NPR3: variants seen among roughly 807,000 people sequenced by gnomAD.
NPR3 encodes the protein atrial natriuretic peptide receptor 3.
In NPR3, 34 loss-of-function variants were observed where a neutral mutation model predicts 54.5. The observed-to-expected ratio is 0.62, with a 90% CI of 0.47 to 0.83. The LOEUF (loss-of-function observed/expected upper bound fraction) is 0.83, where lower values mean the gene tolerates loss of function less well. Among genes scored for constraint, NPR3 ranks in the 40% least tolerant of loss-of-function variants. The pLI is 0.00. For synonymous variants in NPR3, 289 were observed against 297.1 expected, an observed-to-expected ratio of 0.97 and a Z score of 0.28; for missense variants, 674 against 720.8, an observed-to-expected ratio of 0.94 and a Z score of 0.74.
intron 3 of NPR3, 22 bp from the exon 4 acceptor site, chr5:32,774,686 C>T: frequency 6.3e-7 from 1 of 1,599,144 alleles, no homozygotes; most frequent in South Asian, 1.1e-5. Context: ...TTTGGTTCAC[C>T]CATCTGGGGT....
intron 2 of NPR3, among the ~76,000 whole-genome samples, chr5:32,736,000 G>A (rs921481165): frequency 2.6e-5 from 4 of 152,076 alleles, no homozygotes; most frequent in African/African-American, 9.7e-5. Context: ...GGAGGCCGAG[G>A]CAGGTGGATC....
chr5:32,703,427 C>T (rs879893415), intron 1 of NPR3, among the ~76,000 whole-genome samples: 1 of 151,784 alleles, frequency 6.6e-6, no homozygotes, highest in Non-Finnish European at 1.5e-5. Context: ...AGGAGTCTCT[C>T]CCAGTAGTCA....
chr5:32,773,176 C>T (rs1466957717), intron 3 of NPR3, among the ~76,000 whole-genome samples: 3 of 152,136 alleles, frequency 2.0e-5, no homozygotes, highest in East Asian at 3.8e-4. Context: ...TACAGAATGC[C>T]CAGTTCATTC....
intron 3 of NPR3, among the ~76,000 whole-genome samples, chr5:32,748,736 G>A (rs1415070691): frequency 1.3e-5 from 2 of 152,146 alleles, no homozygotes; most frequent in East Asian, 1.9e-4. Context: ...ATGAATTGGA[G>A]GGGAATGAAA....
intron 5 of NPR3, among the ~76,000 whole-genome samples, chr5:32,782,061 C>G (rs1742362611): frequency 6.6e-6 from 1 of 152,090 alleles, no homozygotes; most frequent in Admixed American, 6.5e-5. Context: ...ATCATTTTAA[C>G]CAGAAACTGA....
intron 6 of NPR3, 160 bp downstream of exon 6, chr5:32,783,188 T>C (rs921844910): frequency 3.6e-6 from 2 of 554,084 alleles, no homozygotes; most frequent in Non-Finnish European, 6.1e-6. Context: ...AACTGGCATC[T>C]TTCAGGTCTT....
chr5:32,733,195 A>AG (rs1280244808), intron 2 of NPR3, among the ~76,000 whole-genome samples: 3 of 152,142 alleles, frequency 2.0e-5, no homozygotes, highest in Non-Finnish European at 4.4e-5. Flanking sequence ...TGAAAAAAAA[A>AG]CATATTGATA....
intron 3 of NPR3, among the ~76,000 whole-genome samples, chr5:32,771,998 C>T (rs111870506): frequency 6.6e-6 from 1 of 152,076 alleles, no homozygotes; most frequent in African/African-American, 2.4e-5. Flanking sequence ...TACACCGCTA[C>T]AGTTCACTTA....
At chr5:32,778,248 T>C (rs1742169508) in intron 4 of NPR3, among the ~76,000 whole-genome samples, 1 of 152,214 alleles carries the variant, frequency 6.6e-6, no homozygotes, top group African/African-American at 2.4e-5. Context: ...CTCATTTGTT[T>C]AAATGTAAAG....
At chr5:32,718,634 A>G (rs891907134) in intron 1 of NPR3, among the ~76,000 whole-genome samples, 2 of 152,076 alleles carry the variant, frequency 1.3e-5, no homozygotes, top group Non-Finnish European at 2.9e-5. Flanking sequence ...TTCACTTATG[A>G]TTTGGCTCTC....
At chr5:32,701,196 A>AT (rs1326801243) in intron 1 of NPR3, among the ~76,000 whole-genome samples, 3 of 150,904 alleles carry the variant, frequency 2.0e-5, no homozygotes, top group Non-Finnish European at 4.4e-5. Context: ...TTTTATTATT[A>AT]TTTTTTCTTT....
At position 32,790,579 on chromosome 5, in the gene NPR3, G is replaced by C. The variant is rs1742859721; in HGVS notation, c.*4234G>C. The C allele has an allele frequency of 6.0e-6, 1 of 166,574 alleles. No homozygotes were observed. The highest frequency in any genetic ancestry group is 6.5e-5 in the Admixed American group (1 of 15,280). 10.3% of individuals were successfully genotyped at this position (166,574 alleles called of 1,614,324 possible). A position where few individuals can be genotyped will look rare whatever the true frequency, so the allele number is the denominator to read the frequency against. On this transcript the variant is annotated 3_prime_UTR_variant, in exon 8 of 8. Coordinates refer to ENST00000265074, the MANE Select transcript of NPR3 (RefSeq NM_001204375.2). ...ATGTGCATAAACTCCAACAAGCCTGGCTTTGGTGTTCAGCATGCACATTCC... is the reference window on the plus strand; with the variant it reads ...ATGTGCATAAACTCCAACAAGCCTGCCTTTGGTGTTCAGCATGCACATTCC...
chr5:32,786,555 A>G lies in NPR3; in HGVS notation c.*210A>G, dbSNP rs1742644001. ...TTTCATCTCATGACAAACAAATATAATAATGATATCGTGTCACTCTGTTAA... is the reference window on the plus strand; with the variant it reads ...TTTCATCTCATGACAAACAAATATAGTAATGATATCGTGTCACTCTGTTAA... On this transcript the variant is annotated 3_prime_UTR_variant, in exon 8 of 8. Coordinates refer to ENST00000265074, the MANE Select transcript of NPR3 (RefSeq NM_001204375.2). 1 of 543,904 alleles carries G rather than the reference A, an allele frequency of 1.8e-6. No homozygotes were observed. Among genetic ancestry groups the G allele is most frequent in the Non-Finnish European group, 3.2e-6 (1 of 312,996 alleles). 33.7% of individuals were successfully genotyped at this position (543,904 alleles called of 1,614,324 possible).
Position 32,739,039 on chromosome 5 carries a change from C to T in NPR3, c.1059+9C>T. 1.2e-6 allele frequency: 2 copies of T among 1,612,966 alleles called. No individual in the cohort carries two copies. The highest frequency in any genetic ancestry group is 1.7e-6 in the Non-Finnish European group (2 of 1,179,340). Reference sequence around the variant, plus strand: ...TCAATATGGAGGATTACGTAAGTGCCTGATTATGAGCCTAGACCTTTAGCA... The same window carrying T: ...TCAATATGGAGGATTACGTAAGTGCTTGATTATGAGCCTAGACCTTTAGCA... On this transcript the variant is annotated intron_variant, in intron 3 of 7. Transcript: ENST00000265074.
intron 1 of NPR3, chr5:32,713,473 G>A (rs1738376127): frequency 2.0e-6 from 2 of 984,774 alleles, no homozygotes; most frequent in African/African-American, 1.7e-5. Context: ...CTGAGATGCC[G>A]GTATAGCGCC....
At chr5:32,728,835 G>GTATATATATATATA (rs1226669792) in intron 2 of NPR3, among the ~76,000 whole-genome samples, 9 of 60,618 alleles carry the variant, frequency 1.5e-4, no homozygotes, top group Admixed American at 4.6e-4. Flanking sequence ...GTGTGTGTGT[G>GTATATATATATATA]TGTATATATA....
At chr5:32,697,510 G>A (rs115256515) in intron 1 of NPR3, among the ~76,000 whole-genome samples, 2 of 151,764 alleles carry the variant, frequency 1.3e-5, no homozygotes, top group African/African-American at 4.8e-5. Flanking sequence ...TGCATAGAGT[G>A]AGTTTGGATG....
intron 3 of NPR3, among the ~76,000 whole-genome samples, chr5:32,741,561 A>G (rs1740038277): frequency 6.6e-6 from 1 of 152,248 alleles, no homozygotes; most frequent in Admixed American, 6.5e-5. Flanking sequence ...TTTATAGTAC[A>G]TTCCAAACCT....
At chr5:32,767,073 G>A (rs1741513333) in intron 3 of NPR3, among the ~76,000 whole-genome samples, 1 of 152,204 alleles carries the variant, frequency 6.6e-6, no homozygotes, top group Non-Finnish European at 1.5e-5. Context: ...CACAGCAACT[G>A]AAGGACATTG....
Sources: allele counts gnomAD v4.1 joint callset (sites outside exome capture counted in the v4.1 genomes callset), GRCh38; gene constraint gnomAD v4.1.1; transcripts MANE v1.5; gene names NCBI Gene and HGNC (gene_info 2026-07-23, HGNC 2026-07-21).